Variants in EEFSEC observed in about 807,000 individuals in gnomAD.
EEFSEC encodes the protein eukaryotic elongation factor, selenocysteine-tRNA specific.
Under a neutral mutation model 42.1 loss-of-function variants are expected in EEFSEC, and 43 were observed. That is an observed-to-expected ratio of 1.02 (90% CI 0.80 to 1.32). The LOEUF is 1.32. Among genes scored for constraint, EEFSEC ranks in the 40% most tolerant of loss-of-function variants. The pLI is 0.00. For synonymous variants in EEFSEC, 354 were observed against 339.1 expected (o/e 1.04, Z -0.48); for missense variants, 745 against 803.6 (o/e 0.93, Z 0.88).
intron 4 of EEFSEC, among the ~76,000 whole-genome samples, chr3:128,290,954 G>A (rs2066638100): frequency 6.6e-6 from 1 of 151,610 alleles, no homozygotes; most frequent in Admixed American, 6.6e-5. Context: ...TCGCCATATT[G>A]GCCATGGCTG....
intron 2 of EEFSEC, among the ~76,000 whole-genome samples, chr3:128,249,530 A>G (rs1202197325): frequency 2.6e-5 from 4 of 151,976 alleles, no homozygotes; most frequent in Non-Finnish European, 2.9e-5. Context: ...CACTATATAT[A>G]CCCCAAACTT....
chr3:128,348,175 A>G (rs1425985653), intron 5 of EEFSEC, among the ~76,000 whole-genome samples: 4 of 152,144 alleles, frequency 2.6e-5, no homozygotes, highest in African/African-American at 9.7e-5. Context: ...AGAAAGTAAA[A>G]TCATGAACCA....
intron 6 of EEFSEC, among the ~76,000 whole-genome samples, chr3:128,389,468 C>G (rs971689784): frequency 7.9e-5 from 12 of 152,372 alleles, no homozygotes; most frequent in African/African-American, 2.6e-4. Flanking sequence ...CCTCCTAAGT[C>G]ACAAGTGGTT....
At chr3:128,225,543 T>G (rs2065899800) in intron 1 of EEFSEC, among the ~76,000 whole-genome samples, 1 of 152,206 alleles carries the variant, frequency 6.6e-6, no homozygotes, top group Non-Finnish European at 1.5e-5. Context: ...TTTGCAGGGT[T>G]GTTGTGAAGA....
intron 2 of EEFSEC, among the ~76,000 whole-genome samples, chr3:128,247,402 A>T (rs754948232): frequency 4.6e-5 from 7 of 152,210 alleles, no homozygotes; most frequent in Non-Finnish European, 1.0e-4. Flanking sequence ...ATAAAAACTT[A>T]GTCCCGCCTA....
chr3:128,278,737 G>T (rs1372531329), intron 4 of EEFSEC, among the ~76,000 whole-genome samples: 2 of 152,198 alleles, frequency 1.3e-5, no homozygotes, highest in Admixed American at 1.3e-4. Flanking sequence ...CTTCCTAGTT[G>T]TGAAAGGGTC....
intron 1 of EEFSEC, among the ~76,000 whole-genome samples, chr3:128,228,999 T>A (rs1008879901): frequency 5.3e-5 from 8 of 152,172 alleles, no homozygotes; most frequent in African/African-American, 1.9e-4. Context: ...GGGAAATAAT[T>A]GTCTTAGGTT....
At chr3:128,241,704 G>A (rs190315728) in intron 1 of EEFSEC, among the ~76,000 whole-genome samples, 1 of 152,264 alleles carries the variant, frequency 6.6e-6, no homozygotes, top group African/African-American at 2.4e-5. Flanking sequence ...AAGACATGTA[G>A]ACCACCACTG....
intron 1 of EEFSEC, among the ~76,000 whole-genome samples, chr3:128,162,858 A>T (rs781668300): frequency 1.3e-5 from 2 of 152,252 alleles, no homozygotes; most frequent in Non-Finnish European, 2.9e-5. Flanking sequence ...GAAGGAAATC[A>T]TAGCCACAGC....
At chr3:128,309,520 A>G (rs533963652) in intron 4 of EEFSEC, among the ~76,000 whole-genome samples, 1 of 152,278 alleles carries the variant, frequency 6.6e-6, no homozygotes, top group Non-Finnish European at 1.5e-5. Context: ...CTAAGCCTTT[A>G]TTTTCAGATG....
the EEFSEC span, among the ~76,000 whole-genome samples, chr3:128,420,146 CAG>C: frequency 1.3e-5 from 2 of 152,286 alleles, no homozygotes; most frequent in African/African-American, 2.4e-5. Context: ...AGAAAACAGA[CAG>C]AGAGTCAGAG....
Position 128,408,377 on chromosome 3 carries a change from GC to G in EEFSEC, c.*123del. On this transcript the variant is annotated 3_prime_UTR_variant, in exon 7 of 7. Coordinates refer to ENST00000254730, the MANE Select transcript of EEFSEC (RefSeq NM_021937.5). ...CTCTCCCTGCAGTCCTGCAGCAGCA[GC>G]CCCCACCCCCAAGCTTGGTGCTGAG... The G allele has an allele frequency of 2.6e-6, 3 of 1,132,870 alleles. No individual in the cohort carries two copies. Among genetic ancestry groups the G allele is most frequent in the Non-Finnish European group, 3.7e-6 (3 of 809,852 alleles). 70.2% of individuals were successfully genotyped at this position (1,132,870 alleles called of 1,614,324 possible).
At chr3:128,349,508 G>A (rs2107576820) in intron 5 of EEFSEC, among the ~76,000 whole-genome samples, 1 of 152,304 alleles carries the variant, frequency 6.6e-6, no homozygotes, top group Admixed American at 6.5e-5. Context: ...TGAAGGAGGA[G>A]GTGAGGGTCT....
chr3:128,198,886 C>T (rs972175861), intron 1 of EEFSEC, among the ~76,000 whole-genome samples: 3 of 151,538 alleles, frequency 2.0e-5, no homozygotes, highest in Non-Finnish European at 4.4e-5. Context: ...TGCTGGAGTG[C>T]GGTGGCACTA....
chr3:128,392,820 C>T (rs538256357), intron 6 of EEFSEC, among the ~76,000 whole-genome samples: 3 of 152,348 alleles, frequency 2.0e-5, no homozygotes, highest in South Asian at 4.1e-4. Flanking sequence ...GCCCTAGGCT[C>T]GCTGTCTGCT....
intron 2 of EEFSEC, among the ~76,000 whole-genome samples, chr3:128,247,706 G>C (rs1164173326): frequency 2.0e-5 from 3 of 152,156 alleles, no homozygotes; most frequent in Non-Finnish European, 4.4e-5. Context: ...GCAAGGGGTG[G>C]CTAGATGAGG....
At chr3:128,300,709 A>G (rs1321024770) in intron 4 of EEFSEC, among the ~76,000 whole-genome samples, 1 of 152,212 alleles carries the variant, frequency 6.6e-6, no homozygotes, top group Non-Finnish European at 1.5e-5. Flanking sequence ...CAACACATAC[A>G]TATGTATAGA....
chr3:128,374,313 C>T (rs1367399112), intron 6 of EEFSEC, among the ~76,000 whole-genome samples: 1 of 151,988 alleles, frequency 6.6e-6, no homozygotes, highest in African/African-American at 2.4e-5. Context: ...AAGGGCTGTG[C>T]TTGTAGACTT....
chr3:128,298,374 T>C (rs906944095), intron 4 of EEFSEC, among the ~76,000 whole-genome samples: 8 of 152,122 alleles, frequency 5.3e-5, no homozygotes, highest in Admixed American at 1.3e-4. Flanking sequence ...TCTCAAACTC[T>C]TGGGCTCAAG....
Sources: allele counts gnomAD v4.1 joint callset (sites outside exome capture counted in the v4.1 genomes callset), GRCh38; gene constraint gnomAD v4.1.1; transcripts MANE v1.5; gene names NCBI Gene and HGNC (gene_info 2026-07-23, HGNC 2026-07-21).